Variants in TRIM71 observed in about 807,000 individuals in gnomAD.
TRIM71 encodes tripartite motif containing 71, also known as E3 ubiquitin-protein ligase TRIM71.
TRIM71 carries 9 observed loss-of-function variants against 61.2 expected under a neutral mutation model. The ratio of observed to expected loss-of-function variants is 0.15; its 90% CI spans 0.09 to 0.26. The LOEUF is 0.26. Among genes scored for constraint, TRIM71 ranks in the 10% least tolerant of loss-of-function variants. The pLI is 1.00. For synonymous variants in TRIM71, 645 were observed against 553.2 expected (o/e 1.17, Z -2.33); for missense variants, 998 against 1,238.7 (o/e 0.81, Z 2.92).
intron 1 of TRIM71, among the ~76,000 whole-genome samples, chr3:32,866,026 A>G (rs1328123530): frequency 2.0e-5 from 3 of 151,880 alleles, no homozygotes; most frequent in Admixed American, 1.3e-4. Context: ...GGGTTTTGCC[A>G]TGTTGGCCAG....
At chr3:32,852,197 T>TGGGGAC (rs1411523765) in intron 1 of TRIM71, among the ~76,000 whole-genome samples, 1 of 151,974 alleles carries the variant, frequency 6.6e-6, no homozygotes, top group East Asian at 1.9e-4. Context: ...TGAATGAAAT[T>TGGGGAC]GGGGACAGGG....
chr3:32,871,869 T>C (rs949280779), intron 1 of TRIM71, among the ~76,000 whole-genome samples: 7 of 152,206 alleles, frequency 4.6e-5, no homozygotes, highest in Non-Finnish European at 1.5e-5. Context: ...CTGGGCCGGG[T>C]GCGTTGGCTC....
intron 1 of TRIM71, among the ~76,000 whole-genome samples, chr3:32,847,603 T>G (rs180692530): frequency 2.6e-5 from 4 of 152,358 alleles, no homozygotes; most frequent in African/African-American, 9.6e-5. Context: ...CAGGGAAGCA[T>G]CCAGGCCAGT....
Position 32,890,947 on chromosome 3 carries a change from G to A in TRIM71, c.1743G>A (p.Lys581=). Residue 581 remains lysine (K), a synonymous_variant, in exon 4 of 4, where the codon AAG becomes AAA. Coordinates refer to ENST00000383763, the MANE Select transcript of TRIM71 (RefSeq NM_001039111.3). The surrounding 1 kb of genome is among the most constrained non-coding windows in gnomAD (Gnocchi z 6.2). ...IENSPFKVVV[K]SGRSYVGIGL... Reference sequence around the variant, plus strand: ...ACAGCCCTTTCAAGGTGGTGGTCAAGTCAGGCCGCAGCTACGTGGGCATTG... The same window carrying A: ...ACAGCCCTTTCAAGGTGGTGGTCAAATCAGGCCGCAGCTACGTGGGCATTG... 1 of 1,614,230 alleles carries A rather than the reference G, an allele frequency of 6.2e-7. No individual in the cohort carries two copies. Among genetic ancestry groups the A allele is most frequent in the Non-Finnish European group, 8.5e-7 (1 of 1,180,054 alleles).
At chr3:32,828,413 T>C (rs776756454) in intron 1 of TRIM71, among the ~76,000 whole-genome samples, 1 of 151,934 alleles carries the variant, frequency 6.6e-6, no homozygotes, top group Non-Finnish European at 1.5e-5. Flanking sequence ...ATCTGTAAAA[T>C]GAGGGTAACT....
chr3:32,873,769 C>A, intron 1 of TRIM71, 49 bp from the exon 2 acceptor site: 1 of 1,420,296 alleles, frequency 7.0e-7, no homozygotes, highest in Non-Finnish European at 9.3e-7. Context: ...CTTCCCTCCT[C>A]CTCCCGTCCT....
At position 32,830,277 on chromosome 3, in the gene TRIM71, C is replaced by T. The variant is rs141017995; in HGVS notation, c.852+11345C>T. ...CTTCCTGCTTTGACCTTTTCTAAGTCATTAAGGAGAACGTTAAAAAGCATA... is the reference window on the plus strand; with the variant it reads ...CTTCCTGCTTTGACCTTTTCTAAGTTATTAAGGAGAACGTTAAAAAGCATA... On this transcript the variant is annotated intron_variant, in intron 1 of 3. Transcript: ENST00000383763. Among the ~76,000 whole-genome samples the T allele has an allele frequency of 6.2e-3, 949 of 152,186 alleles. 10 individuals are homozygous for T. Among genetic ancestry groups the T allele is most frequent in the African/African-American group, 0.021 (878 of 41,516 alleles).
intron 3 of TRIM71, among the ~76,000 whole-genome samples, chr3:32,888,864 TC>T (rs1696991541): frequency 3.3e-5 from 5 of 152,142 alleles, no homozygotes; most frequent in Admixed American, 3.3e-4. Context: ...GTCATGTCAC[TC>T]CCCTACTGAA....
rs545014307 is a variant in TRIM71, at chr3:32,860,588, A to G, written c.853-13230A>G. On this transcript the variant is annotated intron_variant, in intron 1 of 3. Coordinates refer to ENST00000383763, the MANE Select transcript of TRIM71 (RefSeq NM_001039111.3). Reference sequence around the variant, plus strand: ...TATTGATGGTTGGTAAGAGAAGATCACCATTGCTCTCTACAGTTTGGAGTT... The same window carrying G: ...TATTGATGGTTGGTAAGAGAAGATCGCCATTGCTCTCTACAGTTTGGAGTT... Among the ~76,000 whole-genome samples the G allele has an allele frequency of 2.6e-5, 4 of 152,274 alleles. No individual in the cohort carries two copies. In the South Asian group the frequency reaches 8.3e-4, roughly 32 times the overall value.
chr3:32,879,576 A>G (rs1182794590), intron 2 of TRIM71, among the ~76,000 whole-genome samples: 1 of 152,086 alleles, frequency 6.6e-6, no homozygotes, highest in Non-Finnish European at 1.5e-5. Context: ...ATACTGCAAA[A>G]ATTATCAAAG....
chr3:32,866,885 T>C (rs777526757), intron 1 of TRIM71, among the ~76,000 whole-genome samples: 2 of 152,104 alleles, frequency 1.3e-5, no homozygotes, highest in Non-Finnish European at 2.9e-5. Flanking sequence ...GTGAAGAATT[T>C]TTAAAGAAAA....
At chr3:32,850,113 G>A (rs928229013) in intron 1 of TRIM71, among the ~76,000 whole-genome samples, 5 of 152,214 alleles carry the variant, frequency 3.3e-5, no homozygotes, top group African/African-American at 1.2e-4. Context: ...GTCTCCCTCC[G>A]TTCCGTGCCT....
intron 3 of TRIM71, among the ~76,000 whole-genome samples, chr3:32,888,092 C>G (rs1696980588): frequency 1.3e-5 from 2 of 152,026 alleles, no homozygotes; most frequent in African/African-American, 4.8e-5. Flanking sequence ...AAACAAAATT[C>G]CATATTTCTA....
In TRIM71 at chr3:32,858,709, A is replaced by G. The variant is rs182993265; in HGVS notation, c.853-15109A>G. On this transcript the variant is annotated intron_variant, in intron 1 of 3. Transcript: ENST00000383763. ...CAATTTGGGGGAAGGACAGAGCCAA[A>G]TATTTAGGTTTCTTGTGCCATGTGT... Among the ~76,000 whole-genome samples, 190 of 152,298 alleles carry G rather than the reference A, an allele frequency of 1.2e-3. 1 individual carries two copies. The Middle Eastern group carries it at 0.014, about 11-fold the overall frequency.
chr3:32,894,384 A>G lies in TRIM71; in HGVS notation c.*2573A>G, dbSNP rs1474105031. 1 of 152,206 alleles carries G rather than the reference A, an allele frequency of 6.6e-6. No homozygotes were observed. The highest frequency in any genetic ancestry group is 1.5e-5 in the Non-Finnish European group (1 of 68,040). 9.4% of individuals were successfully genotyped at this position (152,206 alleles called of 1,614,324 possible). ...AGAGCTCCTTATTTGACATTTTACT[A>G]TGGATGTGATCGAAAAGCCAAGATT... On this transcript the variant is annotated 3_prime_UTR_variant, in exon 4 of 4. Transcript: ENST00000383763.
At chr3:32,819,708 GAC>G (rs1696106150) in intron 1 of TRIM71, among the ~76,000 whole-genome samples, 3 of 152,298 alleles carry the variant, frequency 2.0e-5, no homozygotes, top group African/African-American at 7.2e-5. Context: ...GGAATAAAGG[GAC>G]GACGTTACCT....
chr3:32,823,807 G>A (rs1696167347), intron 1 of TRIM71, among the ~76,000 whole-genome samples: 1 of 147,856 alleles, frequency 6.8e-6, no homozygotes, highest in African/African-American at 2.5e-5. Context: ...TTTGAAGAGG[G>A]TCAGGCGTGA....
At chr3:32,870,363 G>C (rs1309142170) in intron 1 of TRIM71, among the ~76,000 whole-genome samples, 2 of 152,040 alleles carry the variant, frequency 1.3e-5, no homozygotes, top group Non-Finnish European at 2.9e-5. Flanking sequence ...TCAACCATTT[G>C]GGTGCTCCCT....
intron 1 of TRIM71, among the ~76,000 whole-genome samples, chr3:32,840,512 C>T (rs1024813887): frequency 1.3e-5 from 2 of 152,084 alleles, no homozygotes; most frequent in African/African-American, 4.8e-5. Flanking sequence ...GAGACAAAGC[C>T]CCGAAATTGC....
Sources: allele counts gnomAD v4.1 joint callset (sites outside exome capture counted in the v4.1 genomes callset), GRCh38; gene constraint gnomAD v4.1.1; non-coding constraint Gnocchi (gnomAD v3.1); transcripts MANE v1.5; gene names NCBI Gene and HGNC (gene_info 2026-07-23, HGNC 2026-07-21).